KHDRBS1: variants seen among roughly 807,000 people sequenced by gnomAD.
KHDRBS1 encodes the protein KH RNA binding domain containing, signal transduction associated 1, also known as KH domain-containing, RNA-binding, signal transduction-associated protein 1.
KHDRBS1 carries 7 observed loss-of-function variants against 48.4 expected under a neutral mutation model. That is an observed-to-expected ratio of 0.14 (90% CI 0.08 to 0.27). KHDRBS1 has a LOEUF of 0.27. Ranked by LOEUF, KHDRBS1 falls within the 10% of genes least tolerant of loss-of-function variation. The pLI is 1.00. For synonymous variants in KHDRBS1, 241 were observed against 235.8 expected, an observed-to-expected ratio of 1.02 and a Z score of -0.20; for missense variants, 458 against 601.2, an observed-to-expected ratio of 0.76 and a Z score of 2.49.
Position 32,042,510 on chromosome 1 carries a change from C to CT in KHDRBS1, c.1235-14dup. ...TGTCGCCACATGGTTTATAAACTGTCTTTGTTTTCCCCACAGGCCAGGACG... is the reference window on the plus strand; with the variant it reads ...TGTCGCCACATGGTTTATAAACTGTCTTTTGTTTTCCCCACAGGCCAGGACG... On this transcript the variant is annotated splice_polypyrimidine_tract_variant and intron_variant, in intron 8 of 8. Transcript: ENST00000327300. 1.3e-6 allele frequency: 2 copies of CT among 1,587,926 alleles called. No homozygotes were observed.
At chr1:32,049,908 G>C (rs1461214744) in intron 10 of KHDRBS1, among the ~76,000 whole-genome samples, 1 of 152,086 alleles carries the variant, frequency 6.6e-6, no homozygotes, top group African/African-American at 2.4e-5. Context: ...TGATCCACCT[G>C]CCTCAGCCTC....
At chr1:32,052,114 C>T (rs139060302) in intron 10 of KHDRBS1, among the ~76,000 whole-genome samples, 3 of 152,256 alleles carry the variant, frequency 2.0e-5, no homozygotes, top group Admixed American at 6.5e-5. Context: ...TGAATGCCTA[C>T]TGTGTGTCCC....
chr1:32,033,084 T>C, intron 3 of KHDRBS1, 104 bp from the exon 4 acceptor site: 1 of 801,440 alleles, frequency 1.2e-6, no homozygotes, highest in Non-Finnish European at 2.1e-6. Context: ...TTTACTGTTT[T>C]TCATGGACAT....
chr1:32,044,170 CTTGGA>C (rs1363869887), downstream of KHDRBS1, among the ~76,000 whole-genome samples: 1 of 152,178 alleles, frequency 6.6e-6, no homozygotes, highest in African/African-American at 2.4e-5. Context: ...TGAGCTGAAA[CTTGGA>C]TTGGTTTCCA....
At chr1:32,028,412 C>T (rs911872774) in intron 1 of KHDRBS1, among the ~76,000 whole-genome samples, 3 of 148,606 alleles carry the variant, frequency 2.0e-5, no homozygotes, top group Non-Finnish European at 4.4e-5. Flanking sequence ...ATGTAATATT[C>T]TATTACAGAC....
chr1:32,019,756 G>A (rs1410146470), intron 1 of KHDRBS1, among the ~76,000 whole-genome samples: 5 of 151,662 alleles, frequency 3.3e-5, no homozygotes, highest in South Asian at 2.1e-4. Flanking sequence ...CTGTGATATT[G>A]CAGGTTTTGT....
intron 3 of KHDRBS1, among the ~76,000 whole-genome samples, chr1:32,032,158 GCGTCTTTTTTTTCCCCATGCCATAGC>G (rs1639092861): frequency 5.9e-5 from 9 of 152,178 alleles, no homozygotes; most frequent in Admixed American, 5.9e-4. Flanking sequence ...AGAATCTAAT[GCGTCTTTTTTTTCCCCATGCCATAGC>G]CGCGTACGCT....
intron 7 of KHDRBS1, among the ~76,000 whole-genome samples, chr1:32,038,962 C>T (rs1464053043): frequency 6.6e-6 from 1 of 152,190 alleles, no homozygotes; most frequent in Non-Finnish European, 1.5e-5. Context: ...TGAAAAATTT[C>T]CAAGCTGTGA....
intron 10 of KHDRBS1, among the ~76,000 whole-genome samples, chr1:32,052,948 G>A (rs1346933796): frequency 6.6e-6 from 1 of 151,808 alleles, no homozygotes; most frequent in Non-Finnish European, 1.5e-5. Flanking sequence ...CAGGAGTTCG[G>A]GACTAGCCTG....
chr1:32,054,142 A>G (rs1639453420), intron 10 of KHDRBS1, among the ~76,000 whole-genome samples: 1 of 152,200 alleles, frequency 6.6e-6, no homozygotes, highest in Non-Finnish European at 1.5e-5. Context: ...GATTGGAAGA[A>G]TAAGTTAGTG....
chr1:32,055,426 C>T (rs1027806242), intron 10 of KHDRBS1, among the ~76,000 whole-genome samples: 6 of 152,006 alleles, frequency 3.9e-5, no homozygotes, highest in South Asian at 2.1e-4. Flanking sequence ...CCAGCCTGGG[C>T]GACAAGAATA....
At chr1:32,038,987 G>A (rs755249323) in intron 7 of KHDRBS1, among the ~76,000 whole-genome samples, 12 of 152,148 alleles carry the variant, frequency 7.9e-5, no homozygotes, top group Non-Finnish European at 1.8e-4. Flanking sequence ...ATGGAAACAA[G>A]GAGAAATGCC....
chr1:32,041,110 A>G (rs1485644977), intron 8 of KHDRBS1, among the ~76,000 whole-genome samples: 2 of 152,182 alleles, frequency 1.3e-5, no homozygotes, highest in Non-Finnish European at 2.9e-5. Context: ...TGCTCCTGAT[A>G]CGACGTTGCC....
intron 3 of KHDRBS1, among the ~76,000 whole-genome samples, 153 bp from the exon 4 acceptor site, chr1:32,033,031 TTTTC>T (rs2124379094): frequency 6.6e-6 from 1 of 152,302 alleles, no homozygotes; most frequent in South Asian, 2.1e-4. Context: ...CTTTTTTCTT[TTTTC>T]TTTTTTTGTT....
At chr1:32,034,930 G>A (rs1003215694) in intron 4 of KHDRBS1, among the ~76,000 whole-genome samples, 1 of 150,800 alleles carries the variant, frequency 6.6e-6, no homozygotes, top group Non-Finnish European at 1.5e-5. Flanking sequence ...GCAGTGAGCC[G>A]AGATTGCGCC....
chr1:32,037,952 T>C lies in KHDRBS1; in HGVS notation c.1023T>C (p.Gly341=). 6.2e-7 allele frequency: 1 copy of C among 1,614,150 alleles called. No homozygotes were observed. The highest frequency in any genetic ancestry group is 1.1e-5 in the South Asian group (1 of 91,080). ...RGVPPPPTVR[G]APAPRARTAG... ...TGCCACCCCCACCTACTGTGAGGGG[T>C]GCTCCAGCACCAAGAGCACGGACAG... The change falls in exon 6 of 9, where the codon GGT becomes GGC. Residue 341 remains glycine, a synonymous_variant. Coordinates refer to ENST00000327300, the MANE Select transcript of KHDRBS1 (RefSeq NM_006559.3).
Position 32,031,507 on chromosome 1 carries a change from C to A in KHDRBS1, c.508-17C>A, listed in dbSNP as rs771221823. On this transcript the variant is annotated splice_polypyrimidine_tract_variant and intron_variant, in intron 2 of 8. Coordinates refer to ENST00000327300, the MANE Select transcript of KHDRBS1 (RefSeq NM_006559.3). ...TATAGTAGCATGTATATTTAGAAATCCTCTATTTTCTGTCAGTTCAATTTT... is the reference window on the plus strand; with the variant it reads ...TATAGTAGCATGTATATTTAGAAATACTCTATTTTCTGTCAGTTCAATTTT... The A allele has an allele frequency of 1.4e-6, 2 of 1,452,116 alleles. No individual in the cohort carries two copies. Among genetic ancestry groups the A allele is most frequent in the East Asian group, 2.3e-5 (1 of 43,544 alleles). The allele number at this position is 1,452,116 out of a possible 1,614,324, so 90.0% of individuals were successfully genotyped here.
At position 32,030,888 on chromosome 1, in the gene KHDRBS1, C is replaced by T. The variant is rs527558687; in HGVS notation, c.507+466C>T. Among the ~76,000 whole-genome samples the T allele has an allele frequency of 4.7e-5, 7 of 149,918 alleles. No homozygotes were observed. In the East Asian group the frequency reaches 1.2e-3, roughly 25 times the overall value. Reference sequence around the variant, plus strand: ...ATTTAGTTACATTTAGTTTATCCAGCGTGTTATCAAAGGGTGCTATATAGT... The same window carrying T: ...ATTTAGTTACATTTAGTTTATCCAGTGTGTTATCAAAGGGTGCTATATAGT... On this transcript the variant is annotated intron_variant, in intron 2 of 8. Coordinates refer to ENST00000327300, the MANE Select transcript of KHDRBS1 (RefSeq NM_006559.3).
rs370173805 is a variant in KHDRBS1, at chr1:32,041,583, C to CTTT, written c.1235-922_1235-920dup. Among the ~76,000 whole-genome samples the CTTT allele has an allele frequency of 1.0e-2, 755 of 75,522 alleles. 7 individuals carry two copies. Among genetic ancestry groups the CTTT allele is most frequent in the Non-Finnish European group, 0.015 (586 of 40,368 alleles). 49.5% of individuals were successfully genotyped at this position (75,522 alleles called of 152,430 possible). Reference sequence around the variant, plus strand: ...TTAAGAAAGGAGATAAGGAATTATCCTTTTTTTTTTTTTTTTTTTTTTTTG... The same window carrying CTTT: ...TTAAGAAAGGAGATAAGGAATTATCCTTTTTTTTTTTTTTTTTTTTTTTTTTTG... On this transcript the variant is annotated intron_variant, in intron 8 of 8. Coordinates refer to ENST00000327300, the MANE Select transcript of KHDRBS1 (RefSeq NM_006559.3).
Sources: allele counts gnomAD v4.1 joint callset (sites outside exome capture counted in the v4.1 genomes callset), GRCh38; gene constraint gnomAD v4.1.1; transcripts MANE v1.5; gene names NCBI Gene and HGNC (gene_info 2026-07-23, HGNC 2026-07-21).